Variants in ZSCAN5A observed in about 807,000 individuals in gnomAD.
ZSCAN5A encodes the protein zinc finger and SCAN domain-containing protein 5A.
ZSCAN5A carries 12 observed loss-of-function variants against 23.7 expected under a neutral mutation model. The observed-to-expected ratio is 0.51, with a 90% CI of 0.32 to 0.82. The LOEUF is 0.82. Ranked by LOEUF, ZSCAN5A falls within the 40% of genes least tolerant of loss-of-function variation. The pLI is 0.03. For missense variants in ZSCAN5A, 597 were observed against 617.9 expected (o/e 0.97, Z 0.36); for synonymous variants, 257 against 239.9 (o/e 1.07, Z -0.66).
chr19:56,274,865 T>C (rs1197971531), intron 2 of ZSCAN5A: 2 of 152,212 alleles, frequency 1.3e-5, no homozygotes, highest in African/African-American at 2.4e-5. Context: ...GATTTGTCCT[T>C]AGGATGTGTG....
At chr19:56,360,707 A>G (rs1316451285) in intron 2 of ZSCAN5A, among the ~76,000 whole-genome samples, 2 of 149,414 alleles carry the variant, frequency 1.3e-5, no homozygotes, top group Non-Finnish European at 3.0e-5. Context: ...ACTTATATGT[A>G]AAAAAAAAAT....
chr19:56,336,750 A>G (rs1458078280), intron 2 of ZSCAN5A, among the ~76,000 whole-genome samples: 2 of 152,200 alleles, frequency 1.3e-5, no homozygotes, highest in Non-Finnish European at 2.9e-5. Flanking sequence ...GGTGACGTAC[A>G]GATGGGTTTT....
chr19:56,359,995 T>C (rs2041724350), intron 2 of ZSCAN5A, among the ~76,000 whole-genome samples: 2 of 152,128 alleles, frequency 1.3e-5, no homozygotes, highest in Non-Finnish European at 2.9e-5. Context: ...CTGGAAGCAC[T>C]CCCCTTGAAA....
chr19:56,321,016 G>C lies in ZSCAN5A; in HGVS notation c.-357-4748C>G. 4.3e-6 allele frequency: 3 copies of C among 703,022 alleles called. No individual in the cohort carries two copies. In the South Asian group the frequency reaches 4.4e-5, roughly 10 times the overall value. 43.5% of individuals were successfully genotyped at this position (703,022 alleles called of 1,614,324 possible). On this transcript the variant is annotated intron_variant, in intron 2 of 6. Transcript: ENST00000587340. Reference sequence around the variant, plus strand: ...CCGGTAAGTTGTCCACTTTCCACCTGCTGTAGTAATAAGACTTCTCTCACT... The same window carrying C: ...CCGGTAAGTTGTCCACTTTCCACCTCCTGTAGTAATAAGACTTCTCTCACT...
chr19:56,234,463 T>C (rs778787006), intron 2 of ZSCAN5A, among the ~76,000 whole-genome samples: 4 of 152,022 alleles, frequency 2.6e-5, no homozygotes, highest in Non-Finnish European at 5.9e-5. Context: ...CCCTCTCATA[T>C]TGTTTTATAT....
intron 2 of ZSCAN5A, among the ~76,000 whole-genome samples, chr19:56,358,408 T>A (rs1443001792): frequency 6.7e-6 from 1 of 148,896 alleles, no homozygotes; most frequent in Non-Finnish European, 1.5e-5. Flanking sequence ...GGCGTGAGCC[T>A]CCACGCCCAG....
intron 2 of ZSCAN5A, among the ~76,000 whole-genome samples, chr19:56,356,521 G>A (rs1417316922): frequency 6.7e-6 from 1 of 148,172 alleles, no homozygotes; most frequent in Non-Finnish European, 1.5e-5. Flanking sequence ...AAGGAGCACA[G>A]GCTGTTAATA....
At chr19:56,290,077 C>T (rs1216022970) in intron 2 of ZSCAN5A, among the ~76,000 whole-genome samples, 1 of 152,194 alleles carries the variant, frequency 6.6e-6, no homozygotes, top group Non-Finnish European at 1.5e-5. Flanking sequence ...CCCAAACTGG[C>T]TAATTATCTG....
At chr19:56,279,117 A>C (rs1268098964) in intron 2 of ZSCAN5A, among the ~76,000 whole-genome samples, 1 of 152,230 alleles carries the variant, frequency 6.6e-6, no homozygotes, top group Non-Finnish European at 1.5e-5. Flanking sequence ...CATTGAGAAT[A>C]AACGTCTTAC....
upstream of ZSCAN5A, chr19:56,316,812 GT>G (rs2041321691): frequency 6.6e-6 from 1 of 152,160 alleles, no homozygotes; most frequent in Non-Finnish European, 1.5e-5. Context: ...CCTGTTTATT[GT>G]TTGGTCTGTT....
intron 2 of ZSCAN5A, among the ~76,000 whole-genome samples, chr19:56,276,534 T>TTTTA (rs78738335): frequency 0.38 from 53,200 of 139,566 alleles, 10,711 homozygotes; most frequent in Non-Finnish European, 0.49. Context: ...TGAGGGTTAT[T>TTTTA]TTTATTTATT....
chr19:56,330,349 C>A (rs111584199), intron 2 of ZSCAN5A, among the ~76,000 whole-genome samples: 69 of 152,244 alleles, frequency 4.5e-4, no homozygotes, highest in African/African-American at 1.7e-3. Flanking sequence ...GATATAAAAC[C>A]AGTAATGAAT....
intron 2 of ZSCAN5A, among the ~76,000 whole-genome samples, chr19:56,247,892 C>CG (rs369709352): frequency 0.011 from 1,651 of 152,148 alleles, 41 homozygotes; most frequent in African/African-American, 0.037. Context: ...GTGGTTTCAC[C>CG]TGTTAGCCAG....
intron 2 of ZSCAN5A, among the ~76,000 whole-genome samples, chr19:56,279,519 A>G (rs1427253890): frequency 1.3e-5 from 2 of 152,246 alleles, no homozygotes; most frequent in Non-Finnish European, 2.9e-5. Flanking sequence ...GCATGTACTG[A>G]GAATTTAAAA....
At chr19:56,241,267 A>T (rs1379029580) in intron 2 of ZSCAN5A, among the ~76,000 whole-genome samples, 2 of 151,936 alleles carry the variant, frequency 1.3e-5, no homozygotes, top group Non-Finnish European at 2.9e-5. Flanking sequence ...ACATGAAACC[A>T]CTTTTTTAAG....
chr19:56,361,895 C>T (rs1415168878), intron 2 of ZSCAN5A, among the ~76,000 whole-genome samples: 2 of 152,096 alleles, frequency 1.3e-5, no homozygotes, highest in African/African-American at 4.8e-5. Context: ...CGGTGGCTCA[C>T]ACCTGTAATC....
chr19:56,274,783 T>C (rs988213887), intron 2 of ZSCAN5A: 3 of 152,308 alleles, frequency 2.0e-5, no homozygotes, highest in African/African-American at 7.2e-5. Flanking sequence ...TGTTTTGTTT[T>C]GTTTTGTTTC....
chr19:56,320,615 A>AAATAAT (rs767420878), intron 2 of ZSCAN5A: 9 of 631,572 alleles, frequency 1.4e-5, no homozygotes, highest in African/African-American at 3.7e-5. Context: ...TCTGTCTCAA[A>AAATAAT]AATAATAATA....
chr19:56,361,734 A>G (rs2041734675), intron 2 of ZSCAN5A, among the ~76,000 whole-genome samples: 1 of 152,198 alleles, frequency 6.6e-6, no homozygotes. Flanking sequence ...GAGAGTATCA[A>G]AAGAAATAGC....
Sources: allele counts gnomAD v4.1 joint callset (sites outside exome capture counted in the v4.1 genomes callset), GRCh38; gene constraint gnomAD v4.1.1; transcripts MANE v1.5; gene names NCBI Gene and HGNC (gene_info 2026-07-23, HGNC 2026-07-21).